GPRC6A: variants seen among roughly 807,000 people sequenced by gnomAD.
GPRC6A encodes the protein G protein-coupled receptor class C group 6 member A, also known as G protein-coupled receptor family C group 6 member A.
In GPRC6A, 54 loss-of-function variants were observed where a neutral mutation model predicts 47.0. That is an observed-to-expected ratio of 1.15 (90% CI 0.92 to 1.44). GPRC6A has a LOEUF of 1.44. Ranked by LOEUF, GPRC6A falls within the 40% of genes most tolerant of loss-of-function variation. The probability of loss-of-function intolerance (pLI) is 0.00; values close to 1 mark genes in which losing one functional copy is unlikely to be tolerated. For missense variants in GPRC6A, 1,112 were observed against 1,105.5 expected (o/e 1.01, Z -0.08); for synonymous variants, 347 against 377.1 (o/e 0.92, Z 0.93).
intron 1 of GPRC6A, among the ~76,000 whole-genome samples, chr6:116,810,060 A>G (rs898401296): frequency 6.6e-6 from 1 of 152,182 alleles, no homozygotes; most frequent in Non-Finnish European, 1.5e-5. Context: ...CTTTGGTTAA[A>G]GCTTAACAGC....
chr6:116,805,091 A>G (rs531431334), intron 3 of GPRC6A, among the ~76,000 whole-genome samples: 26 of 152,100 alleles, frequency 1.7e-4, no homozygotes, highest in Non-Finnish European at 7.4e-5. Flanking sequence ...TACCACCATC[A>G]TTAAAGTTTT....
intron 1 of GPRC6A, among the ~76,000 whole-genome samples, chr6:116,812,864 A>T (rs1773072695): frequency 6.6e-6 from 1 of 152,166 alleles, no homozygotes; most frequent in African/African-American, 2.4e-5. Context: ...AAACCCCATC[A>T]TCTCAGCCAA....
At chr6:116,793,492 A>T (rs2114575328) in intron 5 of GPRC6A, among the ~76,000 whole-genome samples, 1 of 152,286 alleles carries the variant, frequency 6.6e-6, no homozygotes, top group Middle Eastern at 3.4e-3. Context: ...AGCCAGCTGG[A>T]TTGTGAATGT....
chr6:116,820,925 G>C (rs1307253557), intron 1 of GPRC6A, among the ~76,000 whole-genome samples: 1 of 152,112 alleles, frequency 6.6e-6, no homozygotes, highest in Non-Finnish European at 1.5e-5. Flanking sequence ...AATTGTCCCT[G>C]TTTGCAGATG....
chr6:116,818,187 C>G (rs1302686822), intron 1 of GPRC6A, among the ~76,000 whole-genome samples: 1 of 152,058 alleles, frequency 6.6e-6, no homozygotes, highest in Non-Finnish European at 1.5e-5. Context: ...GATCTCTCAG[C>G]AGAAACCCTA....
intron 1 of GPRC6A, among the ~76,000 whole-genome samples, chr6:116,820,505 C>G (rs1270459270): frequency 6.6e-6 from 1 of 150,944 alleles, no homozygotes; most frequent in Non-Finnish European, 1.5e-5. Context: ...AAAAGCTTAT[C>G]CACCATGATC....
Position 116,793,256 on chromosome 6 carries a change from A to G in GPRC6A, c.1673-6T>C. The G allele has an allele frequency of 1.3e-6, 2 of 1,563,208 alleles. No individual in the cohort carries two copies. The highest frequency in any genetic ancestry group is 1.7e-6 in the Non-Finnish European group (2 of 1,156,748). The stretch of plus-strand genomic sequence containing the variant: ...TAAAAGGCAGTGAGGCATATCTAAA[A>G]GACAGAGGAGACGCAGTTACATTGT... On this transcript the variant is annotated splice_region_variant and splice_polypyrimidine_tract_variant and intron_variant, in intron 5 of 5. Transcript: ENST00000310357.
At chr6:116,812,998 C>T (rs977978078) in intron 1 of GPRC6A, among the ~76,000 whole-genome samples, 3 of 152,168 alleles carry the variant, frequency 2.0e-5, no homozygotes, top group Non-Finnish European at 4.4e-5. Context: ...TGAGTGAACT[C>T]CCATTCACAA....
chr6:116,818,458 C>T (rs13218364), intron 1 of GPRC6A, among the ~76,000 whole-genome samples: 30,061 of 124,280 alleles, frequency 0.24, 3,575 homozygotes, highest in Non-Finnish European at 0.29. Context: ...GGCGTGAACC[C>T]GGGAGGCGGA....
chr6:116,807,861 A>G (rs2114597344), intron 2 of GPRC6A, among the ~76,000 whole-genome samples: 1 of 152,270 alleles, frequency 6.6e-6, no homozygotes, highest in African/African-American at 2.4e-5. Flanking sequence ...AAATATCAGC[A>G]TTTTTGGAAG....
intron 1 of GPRC6A, among the ~76,000 whole-genome samples, chr6:116,818,532 TAAA>T (rs35974500): frequency 0.015 from 237 of 15,474 alleles, 6 homozygotes; most frequent in African/African-American, 0.034. Context: ...AGACTCCGTC[TAAA>T]AAAAAAAAAA....
intron 3 of GPRC6A, among the ~76,000 whole-genome samples, chr6:116,801,811 T>G (rs899855617): frequency 1.3e-5 from 2 of 152,156 alleles, no homozygotes; most frequent in African/African-American, 4.8e-5. Context: ...TGAATATCAA[T>G]TAATTAGTGT....
In GPRC6A at chr6:116,807,126, G is replaced by T. The variant is rs267600777; in HGVS notation, c.579C>A (p.Phe193Leu). Residue 193 changes from phenylalanine (F) to leucine (L), a missense_variant, in exon 3 of 6, where the codon TTC becomes TTA. Physicochemically the swap from Phe to Leu is conservative, Grantham distance 22 (BLOSUM62 0). Transcript: ENST00000310357. ...GGTGAGCCATTGCTTTAATTTGATGGAAGTCACTGGGCACAGTCCGTAAAA... is the reference window on the plus strand; with the variant it reads ...GGTGAGCCATTGCTTTAATTTGATGTAAGTCACTGGGCACAGTCCGTAAAA... ...PSFLRTVPSD[F>L]HQIKAMAHLI... The T allele has an allele frequency of 6.2e-7, 1 of 1,613,652 alleles. No individual in the cohort carries two copies. Among genetic ancestry groups the T allele is most frequent in the Admixed American group, 1.7e-5 (1 of 59,948 alleles).
chr6:116,816,854 G>T (rs1773231091), intron 1 of GPRC6A, among the ~76,000 whole-genome samples: 1 of 152,212 alleles, frequency 6.6e-6, no homozygotes, highest in Non-Finnish European at 1.5e-5. Context: ...CGCACTACGA[G>T]ATTATATCCC....
intron 1 of GPRC6A, among the ~76,000 whole-genome samples, chr6:116,820,156 AG>A (rs1773410180): frequency 6.6e-6 from 1 of 151,306 alleles, no homozygotes; most frequent in African/African-American, 2.4e-5. Flanking sequence ...AGACTAAACC[AG>A]GAAGAAGTTG....
intron 3 of GPRC6A, among the ~76,000 whole-genome samples, chr6:116,802,486 C>A (rs1772705670): frequency 6.6e-6 from 1 of 152,092 alleles, no homozygotes; most frequent in South Asian, 2.1e-4. Context: ...GGCCAGGAAT[C>A]ACACCAATTA....
At chr6:116,814,137 T>A (rs1007983557) in intron 1 of GPRC6A, among the ~76,000 whole-genome samples, 1 of 152,144 alleles carries the variant, frequency 6.6e-6, no homozygotes, top group African/African-American at 2.4e-5. Context: ...GAAATAGGAA[T>A]GCTTTTATAC....
At position 116,809,632 on chromosome 6, in the gene GPRC6A, G is replaced by A; in HGVS notation, c.195-15C>T. ...ATATTTCAAAGCTGTTGGGAAACAA[G>A]TATTTTTTGAAATCAGAACATAACT... On this transcript the variant is annotated splice_polypyrimidine_tract_variant and intron_variant, in intron 1 of 5. Transcript: ENST00000310357. 6.3e-7 allele frequency: 1 copy of A among 1,588,358 alleles called. No homozygotes were observed. Among genetic ancestry groups the A allele is most frequent in the Non-Finnish European group, 8.6e-7 (1 of 1,163,136 alleles).
intron 1 of GPRC6A, among the ~76,000 whole-genome samples, chr6:116,825,925 G>C (rs1773662533): frequency 1.3e-5 from 2 of 151,854 alleles, no homozygotes; most frequent in Admixed American, 1.3e-4. Flanking sequence ...TTTTGACAAA[G>C]GAGCCAAGAA....
Sources: gnomAD v4.1 joint callset for allele counts (sites outside exome capture counted in the v4.1 genomes callset) on GRCh38, gnomAD v4.1.1 for gene constraint, MANE v1.5 for transcripts, NCBI Gene and HGNC (gene_info 2026-07-23, HGNC 2026-07-21) for gene names.